The following NFIC variants were observed in gnomAD, a reference collection of about 807,000 sequenced individuals.
The protein encoded by NFIC is nuclear factor 1 C-type.
In NFIC, 12 loss-of-function variants were observed where a neutral mutation model predicts 54.4. That is an observed-to-expected ratio of 0.22 (90% CI 0.14 to 0.36). The LOEUF is 0.36. Among genes scored for constraint, NFIC ranks in the 10% least tolerant of loss-of-function variants. NFIC has a pLI of 1.00. For missense variants in NFIC, 575 were observed against 718.2 expected, an observed-to-expected ratio of 0.80 and a Z score of 2.28; for synonymous variants, 322 against 319.2, an observed-to-expected ratio of 1.01 and a Z score of -0.09.
Position 3,459,532 on chromosome 19 carries a change from C to T in NFIC, c.1509+2897C>T, listed in dbSNP as rs1204992519. On this transcript the variant is annotated intron_variant, in intron 10 of 10. Transcript: ENST00000443272. This position sits in a 1 kb window ranked among gnomAD's most constrained non-coding sequence, Gnocchi z 4.2. ...GGCTGCAGCCAGGCCAGCAGGATAC[C>T]AGAGCCCAAACCTCCCCCTTCACAC... 6.6e-6 allele frequency among the ~76,000 whole-genome samples: 1 copy of T among 152,186 alleles called. No individual in the cohort carries two copies. Among genetic ancestry groups the T allele is most frequent in the Non-Finnish European group, 1.5e-5 (1 of 68,026 alleles).
At position 3,465,756 on chromosome 19, in the gene NFIC, C is replaced by G. The variant is rs1182667992; in HGVS notation, c.*2987C>G. On this transcript the variant is annotated 3_prime_UTR_variant, in exon 11 of 11. Coordinates refer to ENST00000443272, the MANE Select transcript of NFIC (RefSeq NM_001245002.2). ...ATTCACCGACCCACTGCAGGCTGTCCTCCAACCATGGGGTGGCCACTCCAC... is the reference window on the plus strand; with the variant it reads ...ATTCACCGACCCACTGCAGGCTGTCGTCCAACCATGGGGTGGCCACTCCAC... 6.6e-6 allele frequency: 1 copy of G among 152,314 alleles called. No individual in the cohort carries two copies. Among genetic ancestry groups the G allele is most frequent in the African/African-American group, 2.4e-5 (1 of 41,456 alleles). 9.4% of individuals were successfully genotyped at this position (152,314 alleles called of 1,614,324 possible). A position where few individuals can be genotyped will look rare whatever the true frequency, so the allele number is the denominator to read the frequency against.
chr19:3,433,114 A>G (rs2082147159), intron 3 of NFIC, among the ~76,000 whole-genome samples: 1 of 152,052 alleles, frequency 6.6e-6, no homozygotes, highest in Admixed American at 6.6e-5. Context: ...ACAGGCACGG[A>G]CCACAACACC....
intron 2 of NFIC, among the ~76,000 whole-genome samples, chr19:3,394,531 C>CCCA (rs1192097514): frequency 2.0e-5 from 1 of 48,890 alleles, no homozygotes; most frequent in Non-Finnish European, 4.9e-5. Flanking sequence ...CCACCCCCCA[C>CCCA]CCGCTTACAC....
intron 4 of NFIC, 82 bp from the exon 5 acceptor site, chr19:3,434,195 A>T (rs1458331138): frequency 2.0e-6 from 3 of 1,519,706 alleles, no homozygotes; most frequent in Non-Finnish European, 2.6e-6. Context: ...GACTGCACCC[A>T]GTGGCTTTCC....
chr19:3,438,658 C>T (rs547785261), intron 6 of NFIC, among the ~76,000 whole-genome samples: 63 of 151,924 alleles, frequency 4.1e-4, no homozygotes, highest in Admixed American at 1.1e-3. Flanking sequence ...AGGATGGTCT[C>T]GATCTCCTGA....
Position 3,452,418 on chromosome 19 carries a change from A to C in NFIC, c.1085-64A>C. On this transcript the variant is annotated intron_variant, in intron 7 of 10. Coordinates refer to ENST00000443272, the MANE Select transcript of NFIC (RefSeq NM_001245002.2). This position sits in a 1 kb window ranked among gnomAD's most constrained non-coding sequence, Gnocchi z 5.3. Reference sequence around the variant, plus strand: ...GAATGACACCCACAGACACACAGTCACACGGTCACAGAGCAGACCGGCTGG... The same window carrying C: ...GAATGACACCCACAGACACACAGTCCCACGGTCACAGAGCAGACCGGCTGG... The C allele has an allele frequency of 6.3e-7, 1 of 1,580,288 alleles. No individual in the cohort carries two copies. The highest frequency in any genetic ancestry group is 1.1e-5 in the South Asian group (1 of 89,766).
rs2081576244 is a variant in NFIC at position 3,402,640 on chromosome 19, A to G, written c.562+20397A>G. The stretch of plus-strand genomic sequence containing the variant: ...GCAATCACTAACTTCCTCTGAAGGA[A>G]AGAAAACAGAAGGCTGAGATTGAGG... On this transcript the variant is annotated intron_variant, in intron 2 of 10. Transcript: ENST00000443272. Among the ~76,000 whole-genome samples the G allele has an allele frequency of 1.3e-5, 2 of 152,230 alleles. 1 individual carries two copies. Among genetic ancestry groups the G allele is most frequent in the South Asian group, 4.1e-4 (2 of 4,832 alleles).
chr19:3,393,788 G>A (rs72974720), intron 2 of NFIC, among the ~76,000 whole-genome samples: 53,487 of 129,394 alleles, frequency 0.41, 12,722 homozygotes, highest in Middle Eastern at 0.6. Context: ...CTGCACTCCA[G>A]CCTGGGCAAC....
chr19:3,450,587 G>A (rs1189905052), intron 7 of NFIC, among the ~76,000 whole-genome samples: 2 of 151,628 alleles, frequency 1.3e-5, no homozygotes, highest in African/African-American at 4.8e-5. Flanking sequence ...CCCGGGAGGC[G>A]GAGGCTGCAG....
chr19:3,462,673 A>T, intron 10 of NFIC, 79 bp from the exon 11 acceptor site: 1 of 1,510,850 alleles, frequency 6.6e-7, no homozygotes, highest in Non-Finnish European at 9.2e-7. Context: ...GAGGTAAACC[A>T]TGTCTGCAGC....
At position 3,466,071 on chromosome 19, in the gene NFIC, G is replaced by A. The variant is rs2082713816; in HGVS notation, c.*3302G>A. 6.6e-6 allele frequency: 1 copy of A among 152,210 alleles called. No homozygotes were observed. The highest frequency in any genetic ancestry group is 2.4e-5 in the African/African-American group (1 of 41,448). 9.4% of individuals were successfully genotyped at this position (152,210 alleles called of 1,614,324 possible). A position where few individuals can be genotyped will look rare whatever the true frequency, so the allele number is the denominator to read the frequency against. On this transcript the variant is annotated 3_prime_UTR_variant, in exon 11 of 11. Transcript: ENST00000443272. This position sits in a 1 kb window ranked among gnomAD's most constrained non-coding sequence, Gnocchi z 4.8. Reference sequence around the variant, plus strand: ...AACCTGATATATGCAATATCTGTCTGTCTGTCTGTACCCATGGGCCTGGCT... The same window carrying A: ...AACCTGATATATGCAATATCTGTCTATCTGTCTGTACCCATGGGCCTGGCT...
Position 3,434,188 on chromosome 19 carries a change from T to G in NFIC, c.710-89T>G. ...ATGGGAAGGGGGTCCCCCTTTGGAC[T>G]GCACCCAGTGGCTTTCCCTACCTCT... is the stretch of plus-strand genomic sequence containing the variant. On this transcript the variant is annotated intron_variant, in intron 4 of 10. Transcript: ENST00000443272. The G allele has an allele frequency of 5.3e-6, 8 of 1,509,420 alleles. No individual in the cohort carries two copies. In the South Asian group the frequency reaches 9.1e-5, roughly 17 times the overall value. 93.5% of individuals were successfully genotyped at this position (1,509,420 alleles called of 1,614,324 possible). A position where few individuals can be genotyped will look rare whatever the true frequency, so the allele number is the denominator to read the frequency against.
chr19:3,449,455 G>C (rs1568193694), intron 7 of NFIC, among the ~76,000 whole-genome samples: 1 of 151,986 alleles, frequency 6.6e-6, no homozygotes, highest in South Asian at 2.1e-4. Flanking sequence ...TGATGGACAG[G>C]CAGGATCAGA....
At position 3,429,134 on chromosome 19, in the gene NFIC, T is replaced by TACACACACACACAC. The variant is rs754404318; in HGVS notation, c.634+3958_634+3959insCACACACACACACA. 1.3e-4 allele frequency among the ~76,000 whole-genome samples: 9 copies of TACACACACACACAC among 67,202 alleles called. 1 individual carries two copies. Among genetic ancestry groups the TACACACACACACAC allele is most frequent in the Admixed American group, 3.7e-4 (2 of 5,394 alleles). 44.1% of individuals were successfully genotyped at this position (67,202 alleles called of 152,430 possible). A position where few individuals can be genotyped will look rare whatever the true frequency, so the allele number is the denominator to read the frequency against. ...ACCCTATCTCTACCCAAAAAAAAAA[T>TACACACACACACAC]ATACACACACACACACACACACACA... On this transcript the variant is annotated intron_variant, in intron 3 of 10. Coordinates refer to ENST00000443272, the MANE Select transcript of NFIC (RefSeq NM_001245002.2).
intron 9 of NFIC, among the ~76,000 whole-genome samples, chr19:3,454,721 AC>A (rs1568198693): frequency 1.5e-5 from 1 of 64,720 alleles, no homozygotes; most frequent in Admixed American, 1.8e-4. Context: ...TCTGCCCCTC[AC>A]CCCCCTTTTT....
intron 2 of NFIC, among the ~76,000 whole-genome samples, chr19:3,410,113 T>C (rs1318259190): frequency 6.6e-6 from 1 of 152,010 alleles, no homozygotes; most frequent in African/African-American, 2.4e-5. Context: ...CGATCTCGGC[T>C]CACTGCAAGC....
At position 3,414,275 on chromosome 19, in the gene NFIC, T is replaced by C. The variant is rs145643009; in HGVS notation, c.563-10831T>C. Among the ~76,000 whole-genome samples, 34 of 152,228 alleles carry C rather than the reference T, an allele frequency of 2.2e-4. No individual in the cohort carries two copies. The East Asian group carries it at 6.6e-3, about 29-fold the overall frequency. ...GTCACATGCAGTCTCTGTTGCCTAT[T>C]TTTTCTTTTGTTTACGACCCTTTAA... On this transcript the variant is annotated intron_variant, in intron 2 of 10. Coordinates refer to ENST00000443272, the MANE Select transcript of NFIC (RefSeq NM_001245002.2).
intron 6 of NFIC, among the ~76,000 whole-genome samples, chr19:3,444,881 A>G (rs138764609): frequency 1.8e-3 from 275 of 152,344 alleles, no homozygotes; most frequent in Non-Finnish European, 8.2e-4. Context: ...GCACACATGT[A>G]TGCATGCATG....
intron 2 of NFIC, among the ~76,000 whole-genome samples, chr19:3,414,522 G>C (rs2081818174): frequency 6.6e-6 from 1 of 151,980 alleles, no homozygotes; most frequent in African/African-American, 2.4e-5. Flanking sequence ...TTGAACCCGG[G>C]AGGTGGAGGT....
Sources: allele counts gnomAD v4.1 joint callset (sites outside exome capture counted in the v4.1 genomes callset), GRCh38; gene constraint gnomAD v4.1.1; non-coding constraint Gnocchi (gnomAD v3.1); transcripts MANE v1.5; gene names NCBI Gene and HGNC (gene_info 2026-07-23, HGNC 2026-07-21).